Variants in CDAN1 observed in about 807,000 individuals in gnomAD.
CDAN1 encodes the protein codanin-1.
Under a neutral mutation model 139.8 loss-of-function variants are expected in CDAN1, and 107 were observed. The observed-to-expected ratio is 0.77, with a 90% CI of 0.65 to 0.90. CDAN1 has a LOEUF of 0.90. CDAN1 is among the 40% of genes least tolerant of loss of function. CDAN1 has a pLI of 0.00. For synonymous variants in CDAN1, 776 were observed against 660.6 expected (o/e 1.17, Z -2.68); for missense variants, 1,667 against 1,575.7 (o/e 1.06, Z -0.98).
intron 1 of CDAN1, 80 bp from the exon 2 acceptor site, chr15:42,736,860 C>T: frequency 4.1e-6 from 6 of 1,449,112 alleles, no homozygotes; most frequent in Non-Finnish European, 5.4e-6. Context: ...CCGTAGGGCG[C>T]GCCTCGGGTG....
In CDAN1 at chr15:42,726,430, G is replaced by C; in HGVS notation, c.3097-13C>G. The C allele has an allele frequency of 6.4e-7, 1 of 1,565,784 alleles. No homozygotes were observed. The highest frequency in any genetic ancestry group is 8.7e-7 in the Non-Finnish European group (1 of 1,150,514). On this transcript the variant is annotated splice_polypyrimidine_tract_variant and intron_variant, in intron 23 of 27. Transcript: ENST00000356231. ...AGGAGAGCACGTCCTGTGAAGAGCA[G>C]GGGGAGATATCACCTTGCGCTGGGG...
At position 42,734,324 on chromosome 15, in the gene CDAN1, C is replaced by T. The variant is rs1176140169; in HGVS notation, c.1159G>A (p.Gly387Arg). The change falls in exon 7 of 28, where the codon GGG (glycine) becomes AGG (arginine). Residue 387 changes from glycine (G) to arginine (R), a missense_variant. Around this residue, in one of 3 missense-constraint regions of CDAN1, gnomAD observed 244 missense variants for 309.4 expected, o/e 0.79. Transcript: ENST00000356231. ...TTCTCAGCCAGCAGCTTCAAGGTCC[C>T]TTTGTCCAGGTTGGAAAGAACCCTG... ...HFQVLSNLDK[G>R]TLKLLAENER... is the part of the protein sequence containing the mutation. 6.2e-7 allele frequency: 1 copy of T among 1,614,124 alleles called. No homozygotes were observed. The highest frequency in any genetic ancestry group is 1.3e-5 in the African/African-American group (1 of 75,048).
chr15:42,724,158 A>C lies in CDAN1; in HGVS notation c.*333T>G, dbSNP rs529301786. 3 of 361,420 alleles carry C rather than the reference A, an allele frequency of 8.3e-6. No homozygotes were observed. The highest frequency in any genetic ancestry group is 4.2e-5 in the African/African-American group (2 of 47,682). The allele number at this position is 361,420 out of a possible 1,614,324, so 22.4% of individuals were successfully genotyped here. ...TTCCAAGACTACAAAGTTTTAAGAG[A>C]TGCTGGGATAGCAAATGAGGCTTGA... On this transcript the variant is annotated 3_prime_UTR_variant, in exon 28 of 28. Transcript: ENST00000356231.
rs1431525913 is a variant in CDAN1, at chr15:42,730,660, G to A, written c.2112C>T (p.Asp704=). 2 of 1,614,174 alleles carry A rather than the reference G, an allele frequency of 1.2e-6. No individual in the cohort carries two copies. Among genetic ancestry groups the A allele is most frequent in the East Asian group, 4.5e-5 (2 of 44,874 alleles). Residue 704 remains aspartate, a synonymous_variant, in exon 14 of 28, where the codon GAC becomes GAT. Transcript: ENST00000356231. Reference sequence around the variant, plus strand: ...AATATTCCAGCAAGGGAACAACATGGTCAGCAAAGGAGAGAAACTCCACCA... The same window carrying A: ...AATATTCCAGCAAGGGAACAACATGATCAGCAAAGGAGAGAAACTCCACCA... The part of the protein sequence containing the change: ...PWLVEFLSFA[D]HVVPLLEYYR...
In CDAN1 at chr15:42,727,649, AG is replaced by A; in HGVS notation, c.3067del (p.Leu1023SerfsTer9). Reference sequence around the variant, plus strand: ...TATCTCGGAGATGAGGTGGGAGGGGAGGGGAGCATGGTGCTCACAGGCGCGG... The same window carrying A: ...TATCTCGGAGATGAGGTGGGAGGGGAGGGAGCATGGTGCTCACAGGCGCGG... ...CSRACEHHAP[L>X]PSHLISEIKD... On this transcript the variant is annotated frameshift_variant, in exon 23 of 28. Coordinates refer to ENST00000356231, the MANE Select transcript of CDAN1 (RefSeq NM_138477.4). LOFTEE classifies it high-confidence loss of function. The A allele has an allele frequency of 6.3e-7, 1 of 1,583,750 alleles. No individual in the cohort carries two copies. The highest frequency in any genetic ancestry group is 8.6e-7 in the Non-Finnish European group (1 of 1,162,076).
At chr15:42,733,291 G>A (rs1404527419) in intron 8 of CDAN1, 105 bp from the exon 9 acceptor site, 2 of 843,820 alleles carry the variant, frequency 2.4e-6, no homozygotes, top group Non-Finnish European at 4.0e-6. Context: ...TTTTTTTTTT[G>A]GAGATGGAGT....
chr15:42,731,846 G>A (rs981240765), intron 10 of CDAN1, 21 bp from the exon 11 acceptor site: 1 of 1,612,330 alleles, frequency 6.2e-7, no homozygotes, highest in Non-Finnish European at 8.5e-7. Context: ...AGAGGAAGGA[G>A]AGAAATTAAA....
chr15:42,731,432 CAGGG>C, intron 11 of CDAN1, 101 bp from the exon 12 acceptor site: 1 of 1,536,080 alleles, frequency 6.5e-7, no homozygotes, highest in Admixed American at 1.7e-5. Context: ...GCAGGACAGA[CAGGG>C]AGGCCCAGGA....
Position 42,725,150 on chromosome 15 carries a change from C to G in CDAN1, c.3552G>C (p.Trp1184Cys), listed in dbSNP as rs767977516. 3 of 1,613,090 alleles carry G rather than the reference C, an allele frequency of 1.9e-6. No individual in the cohort carries two copies. Among genetic ancestry groups the G allele is most frequent in the Non-Finnish European group, 2.5e-6 (3 of 1,179,048 alleles). ...ACLGSLHQAQ[W>C]PGDFAEELAT... ...AAGACAGGAGACTCCTTACCCCTGG[C>G]CACTGGGCCTGGTGGAGGCTGCCCA... Residue 1184 changes from tryptophan (W) to cysteine (C), a missense_variant, in exon 27 of 28, where the codon TGG becomes TGC. This residue lies in a region of CDAN1 where 936 missense variants were observed against 844.1 expected (regional missense o/e 1.11). Coordinates refer to ENST00000356231, the MANE Select transcript of CDAN1 (RefSeq NM_138477.4).
chr15:42,729,300 T>G lies in CDAN1; in HGVS notation c.2470A>C (p.Met824Leu). The change falls in exon 18 of 28, where the codon ATG becomes CTG. Residue 824 changes from methionine (M) to leucine (L), a missense_variant. Transcript: ENST00000356231. Reference sequence around the variant, plus strand: ...GTAGTGGTGGGGGTGATTTTCCTCATGAAGCCCCCACTCCGTCCACTACTG... The same window carrying G: ...GTAGTGGTGGGGGTGATTTTCCTCAGGAAGCCCCCACTCCGTCCACTACTG... ...SGSSGRSGGF[M>L]RKITPTTTTS... The G allele has an allele frequency of 6.2e-7, 1 of 1,613,732 alleles. No individual in the cohort carries two copies. Among genetic ancestry groups the G allele is most frequent in the Non-Finnish European group, 8.5e-7 (1 of 1,179,888 alleles).
chr15:42,725,427 G>C, intron 26 of CDAN1, 62 bp downstream of exon 26: 1 of 1,597,066 alleles, frequency 6.3e-7, no homozygotes, highest in Non-Finnish European at 8.6e-7. Flanking sequence ...TCATAGTTTG[G>C]GGCAAGGGTG....
intron 26 of CDAN1, 22 bp from the exon 27 acceptor site, chr15:42,725,273 G>C: frequency 1.2e-6 from 2 of 1,608,214 alleles, no homozygotes; most frequent in Admixed American, 1.7e-5. Context: ...ACCGAGGTCA[G>C]GGTTGCTAGG....
In CDAN1 at chr15:42,733,980, T is replaced by A. The variant is rs780460328; in HGVS notation, c.1325A>T (p.Asn442Ile). The A allele has an allele frequency of 6.2e-7, 1 of 1,614,120 alleles. No individual in the cohort carries two copies. The highest frequency in any genetic ancestry group is 1.7e-5 in the Admixed American group (1 of 60,024). ...SFQPETDNRANFSSDRAFHTF... is the reference protein window; with the variant it reads ...SFQPETDNRAIFSSDRAFHTF... ...ATGAAAGGCTCGGTCACTGGAGAAG[T>A]TGGCACGATTGTCAGTCTCTGGCTG... Residue 442 changes from asparagine to isoleucine, a missense_variant, in exon 8 of 28, where the codon AAC (asparagine) becomes ATC (isoleucine). Around this residue, in one of 3 missense-constraint regions of CDAN1, gnomAD observed 244 missense variants for 309.4 expected, o/e 0.79. Coordinates refer to ENST00000356231, the MANE Select transcript of CDAN1 (RefSeq NM_138477.4).
At chr15:42,725,291 C>A in intron 26 of CDAN1, 40 bp from the exon 27 acceptor site, 6 of 1,578,162 alleles carry the variant, frequency 3.8e-6, no homozygotes, top group Non-Finnish European at 5.2e-6. Flanking sequence ...AGGAGGACGA[C>A]AGAGTGACCC....
At chr15:42,727,541 C>A in intron 23 of CDAN1, 80 bp downstream of exon 23, 1 of 1,311,026 alleles carries the variant, frequency 7.6e-7, no homozygotes. Context: ...AATCCTGGAG[C>A]TGATGTGAGA....
intron 14 of CDAN1, 111 bp downstream of exon 14, chr15:42,730,487 A>C: frequency 1.3e-5 from 17 of 1,262,770 alleles, no homozygotes; most frequent in Non-Finnish European, 1.8e-5. Context: ...AGTTATGGCC[A>C]GGGCCCCACA....
chr15:42,734,871 G>T (rs899946370), intron 6 of CDAN1, among the ~76,000 whole-genome samples: 1 of 148,624 alleles, frequency 6.7e-6, no homozygotes, highest in South Asian at 2.2e-4. Flanking sequence ...GTCCTGCCTC[G>T]GCCTCTCAAA....
At chr15:42,735,717 C>T (rs773520436) in intron 3 of CDAN1, 38 bp from the exon 4 acceptor site, 37 of 1,610,112 alleles carry the variant, frequency 2.3e-5, no homozygotes, top group African/African-American at 4.0e-5. Flanking sequence ...GTCAGCTTGG[C>T]TTCCCTGCTA....
intron 10 of CDAN1, 57 bp from the exon 11 acceptor site, chr15:42,731,882 C>G (rs1265799996): frequency 2.7e-6 from 4 of 1,496,098 alleles, no homozygotes; most frequent in Non-Finnish European, 3.7e-6. Flanking sequence ...GAGGGAAGGA[C>G]TGAACAAAAA....
Sources: gnomAD v4.1 joint callset for allele counts (sites outside exome capture counted in the v4.1 genomes callset) on GRCh38, gnomAD v4.1.1 for gene constraint, gnomAD v4.1.1 regional missense constraint, MANE v1.5 for transcripts, NCBI Gene and HGNC (gene_info 2026-07-23, HGNC 2026-07-21) for gene names.